The following KIAA0825 variants were observed in gnomAD, a reference collection of about 807,000 sequenced individuals.
KIAA0825 encodes KIAA0825.
Under a neutral mutation model 147.6 loss-of-function variants are expected in KIAA0825, and 119 were observed. That is an observed-to-expected ratio of 0.81 (90% CI 0.69 to 0.94). KIAA0825 has a LOEUF of 0.94. Ranked by LOEUF, KIAA0825 falls within the 40% of genes least tolerant of loss-of-function variation. The pLI, the probability that KIAA0825 is intolerant of heterozygous loss-of-function variation, is 0.00. For missense variants in KIAA0825, 1,381 were observed against 1,472.7 expected (o/e 0.94, Z 1.02); for synonymous variants, 470 against 518.1 (o/e 0.91, Z 1.26).
intron 14 of KIAA0825, among the ~76,000 whole-genome samples, chr5:94,431,773 C>T (rs1755703279): frequency 6.6e-6 from 1 of 152,206 alleles, no homozygotes; most frequent in South Asian, 2.1e-4. Context: ...CTTCAAGTGA[C>T]TTCTGCAGGG....
chr5:94,165,661 T>C (rs991070218), intron 20 of KIAA0825, among the ~76,000 whole-genome samples: 1 of 152,134 alleles, frequency 6.6e-6, no homozygotes, highest in Admixed American at 6.5e-5. Flanking sequence ...AATGGAGTAA[T>C]ATTTGACCAT....
chr5:94,202,956 T>C (rs959008151), intron 20 of KIAA0825, among the ~76,000 whole-genome samples: 2 of 152,194 alleles, frequency 1.3e-5, no homozygotes, highest in African/African-American at 2.4e-5. Context: ...TCCTGAGATA[T>C]TGGTACTACT....
chr5:94,210,335 T>C (rs1238787272), intron 20 of KIAA0825, among the ~76,000 whole-genome samples: 1 of 152,206 alleles, frequency 6.6e-6, no homozygotes, highest in East Asian at 1.9e-4. Flanking sequence ...TCAAGGCTAG[T>C]GCACTTGCTG....
At chr5:94,228,212 T>C (rs952294652) in intron 20 of KIAA0825, among the ~76,000 whole-genome samples, 16 of 152,198 alleles carry the variant, frequency 1.1e-4, no homozygotes, top group African/African-American at 3.9e-4. Flanking sequence ...TAAGTTTTAT[T>C]AGAATAATAC....
At chr5:94,484,547 T>A (rs559319463) in intron 6 of KIAA0825, among the ~76,000 whole-genome samples, 2 of 151,870 alleles carry the variant, frequency 1.3e-5, no homozygotes, top group South Asian at 4.1e-4. Flanking sequence ...CCAGAATTGA[T>A]GTATGATGCT....
chr5:94,598,340 C>G lies in KIAA0825; in HGVS notation c.-152-15757G>C, dbSNP rs147989059. Among the ~76,000 whole-genome samples, 578 of 152,102 alleles carry G rather than the reference C, an allele frequency of 3.8e-3. 2 individuals carry two copies. The Middle Eastern group carries it at 0.044, about 12-fold the overall frequency. On this transcript the variant is annotated intron_variant, in intron 1 of 20. Coordinates refer to ENST00000682413, the MANE Select transcript of KIAA0825 (RefSeq NM_001145678.3). ...TACACAGGGTCAGGGTGATCAATAT[C>G]ACAGACTTCCACCTCCACATTTTGT...
rs952494729 is a variant in KIAA0825, at chr5:94,255,864, C to T, written c.3711-101740G>A. On this transcript the variant is annotated intron_variant, in intron 20 of 20. Coordinates refer to ENST00000682413, the MANE Select transcript of KIAA0825 (RefSeq NM_001145678.3). ...GAGTAGCTAAGAGTACAGGTGTAAG[C>T]GACCATGCCAAGCTAATTTTTGTAT... Among the ~76,000 whole-genome samples, 12 of 151,474 alleles carry T rather than the reference C, an allele frequency of 7.9e-5. No individual in the cohort carries two copies. In the South Asian group the frequency reaches 8.3e-4, roughly 11 times the overall value.
chr5:94,340,096 T>A (rs1319978768), intron 20 of KIAA0825, among the ~76,000 whole-genome samples: 1 of 152,152 alleles, frequency 6.6e-6, no homozygotes, highest in African/African-American at 2.4e-5. Context: ...TATGCTGTGT[T>A]TTTAACCTAT....
intron 5 of KIAA0825, among the ~76,000 whole-genome samples, chr5:94,497,708 G>C (rs1389847973): frequency 1.3e-5 from 2 of 152,142 alleles, no homozygotes; most frequent in Admixed American, 1.3e-4. Flanking sequence ...ACACTATGTT[G>C]GTATCAAACT....
At chr5:94,611,726 G>T (rs984329922) in intron 1 of KIAA0825, among the ~76,000 whole-genome samples, 1 of 149,898 alleles carries the variant, frequency 6.7e-6, no homozygotes, top group African/African-American at 2.4e-5. Flanking sequence ...CAGGAGGATT[G>T]CTTCAGTACA....
At chr5:94,212,505 A>G (rs1433963961) in intron 20 of KIAA0825, among the ~76,000 whole-genome samples, 2 of 152,198 alleles carry the variant, frequency 1.3e-5, no homozygotes, top group Non-Finnish European at 2.9e-5. Context: ...AAATGCTAGC[A>G]GGAGACATGA....
chr5:94,368,656 A>T (rs894739767), intron 20 of KIAA0825, among the ~76,000 whole-genome samples: 1 of 152,210 alleles, frequency 6.6e-6, no homozygotes. Flanking sequence ...CGGGTGTGAG[A>T]AATGTTTAGA....
At chr5:94,355,901 T>C (rs184020535) in intron 20 of KIAA0825, among the ~76,000 whole-genome samples, 1 of 152,348 alleles carries the variant, frequency 6.6e-6, no homozygotes, top group Non-Finnish European at 1.5e-5. Context: ...ATTTAAATAG[T>C]AGGTGAAAAC....
intron 8 of KIAA0825, among the ~76,000 whole-genome samples, chr5:94,472,095 C>T (rs1761274865): frequency 6.6e-6 from 1 of 152,092 alleles, no homozygotes; most frequent in Admixed American, 6.5e-5. Flanking sequence ...TTAACGTTTG[C>T]ATTATTTTTT....
In KIAA0825 at chr5:94,151,801, A is replaced by C. The variant is rs1052994430; in HGVS notation, c.*2206T>G. Among the ~76,000 whole-genome samples the C allele has an allele frequency of 2.0e-5, 3 of 152,332 alleles. No individual in the cohort carries two copies. The highest frequency in any genetic ancestry group is 2.9e-5 in the Non-Finnish European group (2 of 68,024). ...GACAATCCAAATGTGAAATCCTGTA[A>C]TTTTATAAGATGTTGTATCTAGTTT... is the stretch of plus-strand genomic sequence containing the variant. On this transcript the variant is annotated 3_prime_UTR_variant, in exon 21 of 21. Transcript: ENST00000682413.
intron 20 of KIAA0825, among the ~76,000 whole-genome samples, chr5:94,314,477 T>C (rs1779467337): frequency 6.6e-6 from 1 of 151,558 alleles, no homozygotes; most frequent in South Asian, 2.1e-4. Context: ...CAGACATAAA[T>C]AATAAAACAA....
chr5:94,493,021 T>C (rs1268870002), intron 5 of KIAA0825, among the ~76,000 whole-genome samples: 1 of 152,238 alleles, frequency 6.6e-6, no homozygotes, highest in South Asian at 2.1e-4. Context: ...AAGCTATGCA[T>C]CTATGTTCAT....
intron 20 of KIAA0825, among the ~76,000 whole-genome samples, chr5:94,356,360 C>G (rs1189026185): frequency 6.6e-6 from 1 of 151,966 alleles, no homozygotes; most frequent in Admixed American, 6.6e-5. Flanking sequence ...GTAATCCCAG[C>G]ACTTTGGGAG....
At chr5:94,426,724 G>A (rs1754934606) in intron 14 of KIAA0825, among the ~76,000 whole-genome samples, 1 of 152,094 alleles carries the variant, frequency 6.6e-6, no homozygotes, top group Non-Finnish European at 1.5e-5. Flanking sequence ...ACATAGAAAT[G>A]ATATAAATGA....
Sources: allele counts gnomAD v4.1 joint callset (sites outside exome capture counted in the v4.1 genomes callset), GRCh38; gene constraint gnomAD v4.1.1; transcripts MANE v1.5; gene names NCBI Gene and HGNC (gene_info 2026-07-23, HGNC 2026-07-21).